The following CNTNAP5 variants were observed in gnomAD, a reference collection of about 807,000 sequenced individuals.
CNTNAP5 encodes the protein contactin associated protein family member 5, also known as contactin-associated protein-like 5.
Under a neutral mutation model 150.2 loss-of-function variants are expected in CNTNAP5, and 72 were observed. The observed-to-expected ratio is 0.48, with a 90% confidence interval of 0.40 to 0.58. CNTNAP5 has a LOEUF of 0.58. CNTNAP5 is among the 20% of genes least tolerant of loss of function. CNTNAP5 has a pLI of 0.00. For missense variants in CNTNAP5, 1,636 were observed against 1,626.2 expected, an observed-to-expected ratio of 1.01 and a Z score of -0.10; for synonymous variants, 672 against 619.8, an observed-to-expected ratio of 1.08 and a Z score of -1.25.
intron 6 of CNTNAP5, among the ~76,000 whole-genome samples, chr2:124,463,655 A>G (rs1327158699): frequency 2.0e-5 from 3 of 152,144 alleles, no homozygotes; most frequent in Admixed American, 2.0e-4. Flanking sequence ...CAAGGGGGCA[A>G]ATTTTGCCAG....
rs947844913 is a variant in CNTNAP5 at position 124,592,483 on chromosome 2, G to C, written c.1757-17318G>C. 9.2e-4 allele frequency among the ~76,000 whole-genome samples: 127 copies of C among 138,660 alleles called. 3 individuals are homozygous for C. The highest frequency in any genetic ancestry group is 4.1e-3 in the Middle Eastern group (1 of 246). 91.0% of individuals were successfully genotyped at this position (138,660 alleles called of 152,430 possible). A position where few individuals can be genotyped will look rare whatever the true frequency, so the allele number is the denominator to read the frequency against. ...CTCATGATATGAGTGACCACTCATAGAAAAATAAATGCAAATAAATCTACA... is the reference window on the plus strand; with the variant it reads ...CTCATGATATGAGTGACCACTCATACAAAAATAAATGCAAATAAATCTACA... On this transcript the variant is annotated intron_variant, in intron 11 of 23. Coordinates refer to ENST00000682447, the MANE Select transcript of CNTNAP5 (RefSeq NM_001367498.1).
At chr2:124,345,059 G>GT (rs1689705234) in intron 3 of CNTNAP5, among the ~76,000 whole-genome samples, 1 of 152,186 alleles carries the variant, frequency 6.6e-6, no homozygotes, top group African/African-American at 2.4e-5. Flanking sequence ...AAAGTGCCAG[G>GT]TTTAGGGTAT....
chr2:124,833,955 A>T (rs1430766748), intron 19 of CNTNAP5, among the ~76,000 whole-genome samples: 1 of 152,202 alleles, frequency 6.6e-6, no homozygotes, highest in Non-Finnish European at 1.5e-5. Context: ...GGACTTTGTG[A>T]AATTACTCTG....
intron 13 of CNTNAP5, among the ~76,000 whole-genome samples, chr2:124,713,315 TTTCCTTTCTTTCTTTCTTTC>T (rs1679867780): frequency 2.1e-5 from 2 of 96,758 alleles, no homozygotes; most frequent in African/African-American, 3.5e-5. Context: ...TTTCTCTTTC[TTTCCTTTCTTTCTTTCTTTC>T]TTTCTTTCTT....
chr2:124,830,285 C>T (rs1682685833), intron 19 of CNTNAP5, among the ~76,000 whole-genome samples: 1 of 151,976 alleles, frequency 6.6e-6, no homozygotes, highest in Non-Finnish European at 1.5e-5. Context: ...TCACTAGAGT[C>T]ATAACATGGA....
At chr2:124,471,708 T>A (rs1693520120) in intron 6 of CNTNAP5, among the ~76,000 whole-genome samples, 1 of 152,020 alleles carries the variant, frequency 6.6e-6, no homozygotes, top group South Asian at 2.1e-4. Flanking sequence ...GCTTTTCATA[T>A]GTGGGTCTTA....
rs1199305758 is a variant in CNTNAP5 at position 124,468,458 on chromosome 2, G to A, written c.919-6281G>A. 3.3e-5 allele frequency among the ~76,000 whole-genome samples: 5 copies of A among 152,054 alleles called. No individual in the cohort carries two copies. In the East Asian group the frequency reaches 9.7e-4, roughly 29 times the overall value. ...CAACACAGCAGAAAGAAGCAAGTCA[G>A]CTTCTTCCATCTTCTTCTGTCTGGT... On this transcript the variant is annotated intron_variant, in intron 6 of 23. Coordinates refer to ENST00000682447, the MANE Select transcript of CNTNAP5 (RefSeq NM_001367498.1).
intron 2 of CNTNAP5, among the ~76,000 whole-genome samples, chr2:124,237,055 G>C (rs1686768038): frequency 6.6e-6 from 1 of 152,106 alleles, no homozygotes; most frequent in Non-Finnish European, 1.5e-5. Context: ...CTTGAACCCA[G>C]GAGGCAGAAG....
At chr2:124,808,201 T>C (rs1245196880) in intron 19 of CNTNAP5, among the ~76,000 whole-genome samples, 2 of 152,176 alleles carry the variant, frequency 1.3e-5, no homozygotes, top group South Asian at 4.1e-4. Flanking sequence ...CTCCCCAGGA[T>C]TTTTTATTTT....
In CNTNAP5 at chr2:124,733,906, C is replaced by T. The variant is rs147070059; in HGVS notation, c.2078-13323C>T. Among the ~76,000 whole-genome samples, 990 of 152,168 alleles carry T rather than the reference C, an allele frequency of 6.5e-3. 15 individuals carry two copies. Among genetic ancestry groups the T allele is most frequent in the African/African-American group, 0.022 (897 of 41,518 alleles). On this transcript the variant is annotated intron_variant, in intron 13 of 23. Coordinates refer to ENST00000682447, the MANE Select transcript of CNTNAP5 (RefSeq NM_001367498.1). ...ATACGACATGCACAGGCTTTGCTGTCTTGATAGTTAAGAGACTAGTGTTTG... is the reference window on the plus strand; with the variant it reads ...ATACGACATGCACAGGCTTTGCTGTTTTGATAGTTAAGAGACTAGTGTTTG...
At chr2:124,200,488 C>T (rs375888737) in intron 1 of CNTNAP5, among the ~76,000 whole-genome samples, 9 of 151,962 alleles carry the variant, frequency 5.9e-5, no homozygotes, top group South Asian at 2.1e-4. Context: ...TAAGTCACAC[C>T]CTATTTTACT....
intron 3 of CNTNAP5, among the ~76,000 whole-genome samples, chr2:124,268,134 T>TG (rs1214134400): frequency 6.6e-6 from 1 of 152,156 alleles, no homozygotes; most frequent in Admixed American, 6.6e-5. Flanking sequence ...AATGAGTCAG[T>TG]GGTTTGTGAC....
intron 3 of CNTNAP5, among the ~76,000 whole-genome samples, chr2:124,337,843 A>C (rs926199127): frequency 9.2e-5 from 14 of 151,834 alleles, no homozygotes; most frequent in South Asian, 2.1e-4. Context: ...CTTAGGATTG[A>C]CTTGGTGATG....
intron 1 of CNTNAP5, among the ~76,000 whole-genome samples, chr2:124,058,724 ACT>A (rs1681923618): frequency 6.6e-6 from 1 of 152,004 alleles, no homozygotes; most frequent in Non-Finnish European, 1.5e-5. Context: ...TAATTGAAGA[ACT>A]CTCTCTTTAA....
chr2:124,721,837 T>G (rs1680056252), intron 13 of CNTNAP5, among the ~76,000 whole-genome samples: 1 of 152,096 alleles, frequency 6.6e-6, no homozygotes, highest in South Asian at 2.1e-4. Context: ...GAACAAAATT[T>G]TATTCTCTCA....
At chr2:124,206,771 A>G (rs1003564589) in intron 1 of CNTNAP5, among the ~76,000 whole-genome samples, 3 of 152,144 alleles carry the variant, frequency 2.0e-5, no homozygotes, top group Admixed American at 2.0e-4. Flanking sequence ...CCCAGGGAGT[A>G]CCCTAGAAAA....
chr2:124,312,095 T>C (rs1207117819), intron 3 of CNTNAP5, among the ~76,000 whole-genome samples: 1 of 152,180 alleles, frequency 6.6e-6, no homozygotes, highest in Non-Finnish European at 1.5e-5. Flanking sequence ...CTCTAGAAGC[T>C]GAATGGAAGT....
intron 3 of CNTNAP5, among the ~76,000 whole-genome samples, chr2:124,370,718 G>A (rs542883949): frequency 1.4e-4 from 21 of 152,224 alleles, no homozygotes; most frequent in Middle Eastern, 3.4e-3. Context: ...ACTGACTCTT[G>A]GCTGGAGATT....
In CNTNAP5 at chr2:124,061,186, A is replaced by G. The variant is rs1233808519; in HGVS notation, c.82+35454A>G. On this transcript the variant is annotated intron_variant, in intron 1 of 23. Coordinates refer to ENST00000682447, the MANE Select transcript of CNTNAP5 (RefSeq NM_001367498.1). ...GTGCCCCATTAAACAAAGCCTCGGTATTTGCCTTGTTACTGCATTTCACCT... is the reference window on the plus strand; with the variant it reads ...GTGCCCCATTAAACAAAGCCTCGGTGTTTGCCTTGTTACTGCATTTCACCT... Among the ~76,000 whole-genome samples the G allele has an allele frequency of 3.3e-5, 5 of 152,166 alleles. No homozygotes were observed. In the South Asian group the frequency reaches 6.2e-4, roughly 19 times the overall value.
Sources: gnomAD v4.1 joint callset for allele counts (sites outside exome capture counted in the v4.1 genomes callset) on GRCh38, gnomAD v4.1.1 for gene constraint, MANE v1.5 for transcripts, NCBI Gene and HGNC (gene_info 2026-07-23, HGNC 2026-07-21) for gene names.